The following ITCH variants were observed in gnomAD, a reference collection of about 807,000 sequenced individuals.
ITCH encodes the protein itchy E3 ubiquitin protein ligase, also known as E3 ubiquitin-protein ligase Itchy homolog.
In ITCH, 28 loss-of-function variants were observed where a neutral mutation model predicts 126.8. That is an observed-to-expected ratio of 0.22 (90% confidence interval 0.16 to 0.30). ITCH has a LOEUF of 0.30. Among genes scored for constraint, ITCH ranks in the 10% least tolerant of loss-of-function variants. ITCH has a pLI of 1.00. For synonymous variants in ITCH, 342 were observed against 340.0 expected, an observed-to-expected ratio of 1.01 and a Z score of -0.06; for missense variants, 631 against 1,032.4, an observed-to-expected ratio of 0.61 and a Z score of 5.33.
intron 14 of ITCH, among the ~76,000 whole-genome samples, chr20:34,467,707 C>T (rs1204381366): frequency 1.0e-4 from 10 of 96,452 alleles, no homozygotes; most frequent in Non-Finnish European, 1.7e-4. Flanking sequence ...TTTTTTGAGA[C>T]GGAGTTTCAC....
intron 13 of ITCH, among the ~76,000 whole-genome samples, chr20:34,459,748 C>A (rs191836791): frequency 6.6e-6 from 1 of 152,090 alleles, no homozygotes; most frequent in African/African-American, 2.4e-5. Context: ...AAAACTAAAA[C>A]TAAAAATAAA....
chr20:34,510,196 G>A lies in ITCH; in HGVS notation c.*2402G>A, dbSNP rs1474537283. On this transcript the variant is annotated 3_prime_UTR_variant, in exon 25 of 25. Coordinates refer to ENST00000374864, the MANE Select transcript of ITCH (RefSeq NM_031483.7). ...TTAATTTAAGTGGCCACATGTATATGTCTTCCCTGCTGTGTTAGGAAAATG... is the reference window on the plus strand; with the variant it reads ...TTAATTTAAGTGGCCACATGTATATATCTTCCCTGCTGTGTTAGGAAAATG... 6.6e-6 allele frequency: 1 copy of A among 152,492 alleles called. No homozygotes were observed. Among genetic ancestry groups the A allele is most frequent in the Non-Finnish European group, 1.5e-5 (1 of 68,008 alleles). The allele number at this position is 152,492 out of a possible 1,614,324, so 9.4% of individuals were successfully genotyped here.
chr20:34,481,277 A>G (rs1988723199), intron 20 of ITCH, 71 bp downstream of exon 20: 10 of 1,416,580 alleles, frequency 7.1e-6, no homozygotes, highest in Non-Finnish European at 1.0e-5. Context: ...TACTAATACT[A>G]ATGGAGAGTA....
At chr20:34,406,059 T>C (rs1179002170) in intron 3 of ITCH, among the ~76,000 whole-genome samples, 1 of 152,140 alleles carries the variant, frequency 6.6e-6, no homozygotes, top group Non-Finnish European at 1.5e-5. Flanking sequence ...TTTTGCTCTG[T>C]TGCCCAGGCT....
chr20:34,420,189 C>T (rs1601857726), intron 6 of ITCH, among the ~76,000 whole-genome samples: 2 of 152,232 alleles, frequency 1.3e-5, no homozygotes, highest in South Asian at 4.1e-4. Context: ...ACACATCCAC[C>T]ATCTGTCTCT....
At chr20:34,371,868 T>G (rs1478200886) in intron 2 of ITCH, among the ~76,000 whole-genome samples, 2 of 152,160 alleles carry the variant, frequency 1.3e-5, no homozygotes, top group Non-Finnish European at 2.9e-5. Context: ...CCTGGTTTCC[T>G]CACTTATCTA....
At chr20:34,402,154 G>A in intron 3 of ITCH, 1 of 1,151,036 alleles carries the variant, frequency 8.7e-7, no homozygotes, top group South Asian at 1.2e-5. Flanking sequence ...GTTCCTAGCA[G>A]CACACATATG....
rs1978797102 is a variant in ITCH, at chr20:34,511,424, G to A, written c.*3630G>A. On this transcript the variant is annotated 3_prime_UTR_variant, in exon 25 of 25. Coordinates refer to ENST00000374864, the MANE Select transcript of ITCH (RefSeq NM_031483.7). Reference sequence around the variant, plus strand: ...ATGCTTTTCTATCAGTCTTGGGTAAGGAGGGGTCTCTTTCCTCTCTCCCCG... The same window carrying A: ...ATGCTTTTCTATCAGTCTTGGGTAAAGAGGGGTCTCTTTCCTCTCTCCCCG... 1 of 152,124 alleles carries A rather than the reference G, an allele frequency of 6.6e-6. No individual in the cohort carries two copies. The highest frequency in any genetic ancestry group is 1.5e-5 in the Non-Finnish European group (1 of 68,032). 9.4% of individuals were successfully genotyped at this position (152,124 alleles called of 1,614,324 possible). A position where few individuals can be genotyped will look rare whatever the true frequency, so the allele number is the denominator to read the frequency against.
At chr20:34,420,694 C>G (rs1257033541) in intron 6 of ITCH, among the ~76,000 whole-genome samples, 1 of 152,016 alleles carries the variant, frequency 6.6e-6, no homozygotes, top group Non-Finnish European at 1.5e-5. Context: ...AAAACATTCT[C>G]CATTTGATAA....
chr20:34,456,584 G>A (rs1692881838), intron 12 of ITCH, among the ~76,000 whole-genome samples: 1 of 143,650 alleles, frequency 7.0e-6, no homozygotes, highest in Non-Finnish European at 1.5e-5. Flanking sequence ...AGTGAGCTGA[G>A]ATCACGCCAC....
chr20:34,495,428 C>T (rs1458539154), intron 23 of ITCH, among the ~76,000 whole-genome samples: 1 of 151,592 alleles, frequency 6.6e-6, no homozygotes, highest in Non-Finnish European at 1.5e-5. Flanking sequence ...ATCTATTAAC[C>T]AACCTTTGGC....
intron 12 of ITCH, 148 bp from the exon 13 acceptor site, chr20:34,457,242 T>C: frequency 1.5e-6 from 1 of 666,572 alleles, no homozygotes; most frequent in Non-Finnish European, 2.7e-6. Context: ...AGTCAATAAA[T>C]TAAACCTTTT....
At chr20:34,494,366 C>T (rs62212235) in intron 23 of ITCH, among the ~76,000 whole-genome samples, 7,705 of 152,270 alleles carry the variant, frequency 0.051, 315 homozygotes, top group Non-Finnish European at 0.087. Flanking sequence ...AGAGAGGTCT[C>T]AGAAGGGTGA....
intron 7 of ITCH, among the ~76,000 whole-genome samples, chr20:34,436,474 T>G (rs1983020607): frequency 6.6e-6 from 1 of 152,244 alleles, no homozygotes; most frequent in African/African-American, 2.4e-5. Flanking sequence ...TAAAATGGTT[T>G]TGGAAACCTC....
rs1227873099 is a variant in ITCH at position 34,481,330 on chromosome 20, T to TG, written c.2093+125dup. On this transcript the variant is annotated intron_variant, in intron 20 of 24. Transcript: ENST00000374864. ...TGTCTCTGTACTAATCAATATCCTATGTAGGCAGTCATTTTTCATTTCTAA... is the reference window on the plus strand; with the variant it reads ...TGTCTCTGTACTAATCAATATCCTATGGTAGGCAGTCATTTTTCATTTCTAA... 42 of 1,047,374 alleles carry TG rather than the reference T, an allele frequency of 4.0e-5. No individual in the cohort carries two copies. In the Admixed American group the frequency reaches 9.3e-4, roughly 23 times the overall value. 64.9% of individuals were successfully genotyped at this position (1,047,374 alleles called of 1,614,324 possible).
chr20:34,489,144 A>G (rs1021161447), intron 20 of ITCH, 122 bp from the exon 21 acceptor site: 31 of 773,868 alleles, frequency 4.0e-5, no homozygotes, highest in Admixed American at 1.2e-4. Flanking sequence ...CAGGGGGTTC[A>G]TTATGTTCTA....
chr20:34,445,511 C>A, intron 11 of ITCH, 50 bp downstream of exon 11: 11 of 1,565,518 alleles, frequency 7.0e-6, no homozygotes, highest in Non-Finnish European at 9.7e-6. Flanking sequence ...TGTTTCTAGC[C>A]CCTTCCAGCA....
chr20:34,442,106 C>T (rs1029797827), intron 9 of ITCH, 102 bp from the exon 10 acceptor site: 3 of 806,866 alleles, frequency 3.7e-6, no homozygotes, highest in Middle Eastern at 2.2e-4. Context: ...TCCTTATTTG[C>T]CTTAGTTCAA....
intron 12 of ITCH, among the ~76,000 whole-genome samples, chr20:34,456,519 A>G (rs1986012027): frequency 1.3e-5 from 2 of 148,812 alleles, no homozygotes; most frequent in African/African-American, 2.5e-5. Flanking sequence ...ATCAAGTTGT[A>G]CAAGTTGTGG....
Sources: gnomAD v4.1 joint callset for allele counts (sites outside exome capture counted in the v4.1 genomes callset) on GRCh38, gnomAD v4.1.1 for gene constraint, MANE v1.5 for transcripts, NCBI Gene and HGNC (gene_info 2026-07-23, HGNC 2026-07-21) for gene names.